MYOCD: variants seen among roughly 807,000 people sequenced by gnomAD.
The protein encoded by MYOCD is myocardin.
A neutral mutation model predicts 96.1 loss-of-function variants in MYOCD; 32 were observed. The observed-to-expected ratio is 0.33, with a 90% CI of 0.25 to 0.45. MYOCD has a LOEUF of 0.45. Among genes scored for constraint, MYOCD ranks in the 20% least tolerant of loss-of-function variants. The pLI, the probability that MYOCD is intolerant of heterozygous loss-of-function variation, is 1.00. For missense variants in MYOCD, 1,133 were observed against 1,200.6 expected (o/e 0.94, Z 0.83); for synonymous variants, 469 against 469.0 (o/e 1.00, Z 0.00).
At chr17:12,693,592 G>A (rs112559507) in intron 1 of MYOCD, among the ~76,000 whole-genome samples, 3,976 of 145,104 alleles carry the variant, frequency 0.027, 192 homozygotes, top group African/African-American at 0.094. Context: ...CCTGGGAGTC[G>A]CAGAGAGACT....
chr17:12,736,138 G>A (rs374571756), intron 5 of MYOCD, 23 bp from the exon 6 acceptor site: 218 of 1,612,240 alleles, frequency 1.4e-4, no homozygotes, highest in Non-Finnish European at 1.8e-4. Flanking sequence ...CACTGACCAA[G>A]TTCCTGGATT....
At chr17:12,719,665 C>A (rs1348337051) in intron 4 of MYOCD, among the ~76,000 whole-genome samples, 1 of 111,702 alleles carries the variant, frequency 9.0e-6, no homozygotes, top group South Asian at 3.0e-4. Context: ...CCAGCCTGGC[C>A]AACACAATGA....
chr17:12,688,181 G>C (rs2030228664), intron 1 of MYOCD, among the ~76,000 whole-genome samples: 1 of 152,238 alleles, frequency 6.6e-6, no homozygotes, highest in Admixed American at 6.5e-5. Context: ...AAAGGCAGCT[G>C]TTCTCCACCT....
At chr17:12,676,519 C>A (rs1910067681) in intron 1 of MYOCD, among the ~76,000 whole-genome samples, 2 of 151,800 alleles carry the variant, frequency 1.3e-5, no homozygotes, top group Non-Finnish European at 2.9e-5. Context: ...TACAATTATC[C>A]AGTATCTCCT....
intron 8 of MYOCD, among the ~76,000 whole-genome samples, chr17:12,745,308 C>G (rs1233028232): frequency 6.6e-6 from 1 of 152,166 alleles, no homozygotes; most frequent in Admixed American, 6.5e-5. Context: ...CTCCCAGGTT[C>G]AAGCGATTCT....
chr17:12,694,007 G>A (rs2030614317), intron 1 of MYOCD, among the ~76,000 whole-genome samples: 1 of 152,100 alleles, frequency 6.6e-6, no homozygotes, highest in South Asian at 2.1e-4. Flanking sequence ...CACTTCCCAC[G>A]ACCTTCCAAA....
chr17:12,684,417 T>TA (rs1189211094), intron 1 of MYOCD, among the ~76,000 whole-genome samples: 1 of 152,222 alleles, frequency 6.6e-6, no homozygotes, highest in East Asian at 1.9e-4. Flanking sequence ...TAACTCCTGT[T>TA]ACAGTGTTAT....
chr17:12,767,874 T>C lies in MYOCD; in HGVS notation c.*4230T>C, dbSNP rs2033381606. On this transcript the variant is annotated 3_prime_UTR_variant, in exon 14 of 14. Coordinates refer to ENST00000425538, the MANE Select transcript of MYOCD (RefSeq NM_001146312.3). ...CATTTTTGTGTCCTATCCCTACTTA[T>C]CGTAGCAGCTCTATAGACAAAAGGG... is the stretch of plus-strand genomic sequence containing the variant. 1 of 152,158 alleles carries C rather than the reference T, an allele frequency of 6.6e-6. No homozygotes were observed. The highest frequency in any genetic ancestry group is 2.1e-4 in the South Asian group (1 of 4,816). 9.4% of individuals were successfully genotyped at this position (152,158 alleles called of 1,614,324 possible). A position where few individuals can be genotyped will look rare whatever the true frequency, so the allele number is the denominator to read the frequency against.
intron 5 of MYOCD, among the ~76,000 whole-genome samples, chr17:12,733,800 G>A (rs967526100): frequency 1.3e-5 from 2 of 150,838 alleles, no homozygotes; most frequent in African/African-American, 4.9e-5. Flanking sequence ...CTCGGAGGGG[G>A]AGTTTCAGTG....
intron 12 of MYOCD, chr17:12,758,427 G>A (rs1393082824): frequency 1.9e-5 from 13 of 699,636 alleles, no homozygotes; most frequent in Non-Finnish European, 3.0e-5. Context: ...CACCTGTCTG[G>A]CTTTGGTACC....
At chr17:12,673,312 C>T (rs1306751589) in intron 1 of MYOCD, among the ~76,000 whole-genome samples, 2 of 152,098 alleles carry the variant, frequency 1.3e-5, no homozygotes, top group Non-Finnish European at 2.9e-5. Context: ...TTCAATAGTT[C>T]TCCTCAATAC....
chr17:12,679,198 CT>C (rs376267020), intron 1 of MYOCD, among the ~76,000 whole-genome samples: 2,417 of 151,484 alleles, frequency 0.016, 74 homozygotes, highest in African/African-American at 0.055. Context: ...CTGCTTAAAG[CT>C]TTTTTTTTAA....
rs190163276 is a variant in MYOCD at position 12,690,459 on chromosome 17, G to A, written c.56-14669G>A. Among the ~76,000 whole-genome samples the A allele has an allele frequency of 3.8e-3, 577 of 152,102 alleles. 2 individuals are homozygous for A. The highest frequency in any genetic ancestry group is 0.013 in the African/African-American group (546 of 41,490). ...AAGAAAATTAAGTTTACAGGAAAAA[G>A]GGATTAAATAGATATTGAAGCATAA... is the stretch of plus-strand genomic sequence containing the variant. On this transcript the variant is annotated intron_variant, in intron 1 of 13. Coordinates refer to ENST00000425538, the MANE Select transcript of MYOCD (RefSeq NM_001146312.3).
At chr17:12,718,271 C>T (rs1224130613) in intron 4 of MYOCD, among the ~76,000 whole-genome samples, 1 of 151,980 alleles carries the variant, frequency 6.6e-6, no homozygotes, top group Non-Finnish European at 1.5e-5. Context: ...AAAGGAAATG[C>T]CTGGTGTGGT....
At chr17:12,727,410 C>G (rs2032030347) in intron 5 of MYOCD, among the ~76,000 whole-genome samples, 1 of 152,154 alleles carries the variant, frequency 6.6e-6, no homozygotes, top group Non-Finnish European at 1.5e-5. Context: ...TTAGAGACAG[C>G]TATAGAGACA....
At chr17:12,680,712 T>C (rs1279723143) in intron 1 of MYOCD, among the ~76,000 whole-genome samples, 1 of 152,230 alleles carries the variant, frequency 6.6e-6, no homozygotes, top group Non-Finnish European at 1.5e-5. Flanking sequence ...TGGAGCAATT[T>C]GTCTTCTGAA....
intron 1 of MYOCD, among the ~76,000 whole-genome samples, chr17:12,680,585 C>T (rs1205181921): frequency 6.6e-6 from 1 of 152,122 alleles, no homozygotes; most frequent in East Asian, 1.9e-4. Context: ...TCCCGGAGGC[C>T]CCTCCCACCG....
At chr17:12,688,674 CCTTT>C (rs2030278828) in intron 1 of MYOCD, among the ~76,000 whole-genome samples, 2 of 147,166 alleles carry the variant, frequency 1.4e-5, no homozygotes, top group South Asian at 4.3e-4. Flanking sequence ...TTCATTCATT[CCTTT>C]CTTCCTTCCT....
At chr17:12,754,151 C>G (rs574794946) in intron 10 of MYOCD, among the ~76,000 whole-genome samples, 1 of 152,116 alleles carries the variant, frequency 6.6e-6, no homozygotes, top group Non-Finnish European at 1.5e-5. Context: ...GTCACCCAGG[C>G]TAGAGTGCAG....
Sources: gnomAD v4.1 joint callset for allele counts (sites outside exome capture counted in the v4.1 genomes callset) on GRCh38, gnomAD v4.1.1 for gene constraint, MANE v1.5 for transcripts, NCBI Gene and HGNC (gene_info 2026-07-23, HGNC 2026-07-21) for gene names.